The following ZNF45 variants were observed in gnomAD, a reference collection of about 807,000 sequenced individuals.
The protein encoded by ZNF45 is zinc finger protein 45, also known as BRC1744.
In ZNF45, 4 loss-of-function variants were observed where a neutral mutation model predicts 12.0. That is an observed-to-expected ratio of 0.33 (90% CI 0.16 to 0.76). The LOEUF (loss-of-function observed/expected upper bound fraction) is 0.76, where lower values mean the gene tolerates loss of function less well. Among genes scored for constraint, ZNF45 ranks in the 30% least tolerant of loss-of-function variants. ZNF45 has a pLI of 0.60. For synonymous variants in ZNF45, 272 were observed against 279.6 expected (o/e 0.97, Z 0.27); for missense variants, 700 against 813.0 (o/e 0.86, Z 1.69).
In ZNF45 at chr19:43,918,919, T is replaced by C. The variant is rs1377920317; in HGVS notation, c.186A>G (p.Glu62=). 6.2e-7 allele frequency: 1 copy of C among 1,614,150 alleles called. No homozygotes were observed. The change falls in exon 9 of 10, where the codon GAA becomes GAG. Residue 62 remains glutamate (E), a synonymous_variant. Transcript: ENST00000269973. ...CCATCTTCATCATCCACAGCTTTTC[T>C]TCTCTCTCTAACTGTGGTAGGCCAT... ...TPDGLPQLER[E]EKLWMMKMAT...
intron 7 of ZNF45, among the ~76,000 whole-genome samples, chr19:43,921,392 T>C (rs1399919105): frequency 6.6e-6 from 1 of 152,132 alleles, no homozygotes; most frequent in Non-Finnish European, 1.5e-5. Flanking sequence ...AACATAAGAG[T>C]AAAAGAATAC....
intron 3 of ZNF45, chr19:43,931,487 T>C (rs112568446): frequency 0.1 from 15,428 of 151,748 alleles, 873 homozygotes; most frequent in East Asian, 0.13. Flanking sequence ...TGAGCTGAGA[T>C]CGTACCATTG....
chr19:43,913,468 G>C lies in ZNF45; in HGVS notation c.1968C>G (p.Ile656Met). ...CATCAGCATGGACTCGCTGATGAAT[G>C]ATAAGACTTGAGCTCCAACTGAAGC... ...GKGFSWSSSL[I>M]IHQRVHADDE... is the part of the protein sequence containing the mutation. Residue 656 changes from isoleucine to methionine, a missense_variant, in exon 10 of 10, where the codon ATC becomes ATG. Physicochemically the swap from Ile to Met is conservative, Grantham distance 10. Transcript: ENST00000269973. 1 of 1,611,094 alleles carries C rather than the reference G, an allele frequency of 6.2e-7. No homozygotes were observed. Among genetic ancestry groups the C allele is most frequent in the African/African-American group, 1.3e-5 (1 of 74,988 alleles).
At chr19:43,930,413 A>C (rs971409634) in intron 3 of ZNF45, among the ~76,000 whole-genome samples, 6 of 152,302 alleles carry the variant, frequency 3.9e-5, no homozygotes, top group South Asian at 4.1e-4. Context: ...ATTACTAATA[A>C]AGAACACAGA....
rs563833571 is a variant in ZNF45, at chr19:43,913,039, A to C, written c.*348T>G. The C allele has an allele frequency of 5.2e-6, 1 of 191,618 alleles. No homozygotes were observed. Among genetic ancestry groups the C allele is most frequent in the South Asian group, 1.8e-4 (1 of 5,570 alleles). 11.9% of individuals were successfully genotyped at this position (191,618 alleles called of 1,614,324 possible). A position where few individuals can be genotyped will look rare whatever the true frequency, so the allele number is the denominator to read the frequency against. On this transcript the variant is annotated 3_prime_UTR_variant, in exon 10 of 10. Coordinates refer to ENST00000269973, the MANE Select transcript of ZNF45 (RefSeq NM_003425.4). ...ACAGTAATTTCAAATACTACTGAAA[A>C]ATTACAACGTATTAGGCACTGAAAA...
chr19:43,922,311 G>GT lies in ZNF45; in HGVS notation c.-32-95dup, dbSNP rs201533198. 5,511 of 884,150 alleles carry GT rather than the reference G, an allele frequency of 6.2e-3. 189 individuals carry two copies. In the African/African-American group the frequency reaches 0.082, roughly 13 times the overall value. 54.8% of individuals were successfully genotyped at this position (884,150 alleles called of 1,614,324 possible). A position where few individuals can be genotyped will look rare whatever the true frequency, so the allele number is the denominator to read the frequency against. On this transcript the variant is annotated intron_variant, in intron 6 of 9. Coordinates refer to ENST00000269973, the MANE Select transcript of ZNF45 (RefSeq NM_003425.4). ...CATAGCTGTTTTTTTGTTTTGTTTTGTTTTTTTTAACGTGAAATAGCAACA... is the reference window on the plus strand; with the variant it reads ...CATAGCTGTTTTTTTGTTTTGTTTTGTTTTTTTTTAACGTGAAATAGCAACA...
intron 3 of ZNF45, among the ~76,000 whole-genome samples, chr19:43,925,979 A>G (rs1379408035): frequency 6.6e-6 from 1 of 152,138 alleles, no homozygotes; most frequent in African/African-American, 2.4e-5. Flanking sequence ...CTAACTCTAT[A>G]TTTGCCCAGC....
chr19:43,913,365 A>G lies in ZNF45; in HGVS notation c.*22T>C, dbSNP rs999351859. The G allele has an allele frequency of 1.3e-6, 2 of 1,524,740 alleles. No homozygotes were observed. The highest frequency in any genetic ancestry group is 2.2e-5 in the Admixed American group (1 of 45,254). The allele number at this position is 1,524,740 out of a possible 1,614,324, so 94.5% of individuals were successfully genotyped here. ...TGATTATTAAAATATTTCAGCACCC[A>G]TCTGAGATAGTAAAACATATTTTAT... On this transcript the variant is annotated 3_prime_UTR_variant, in exon 10 of 10. Transcript: ENST00000269973.
intron 2 of ZNF45, 53 bp downstream of exon 2, chr19:43,934,373 T>A (rs922895346): frequency 1.3e-5 from 2 of 152,164 alleles, no homozygotes; most frequent in Non-Finnish European, 2.9e-5. Context: ...TTTCTCCAAT[T>A]ATACAATAAC....
At chr19:43,918,176 T>C (rs1022426914) in intron 9 of ZNF45, among the ~76,000 whole-genome samples, 8 of 152,224 alleles carry the variant, frequency 5.3e-5, no homozygotes, top group Non-Finnish European at 1.0e-4. Flanking sequence ...TTTTTCCTTG[T>C]GTAAAGTGTT....
intron 9 of ZNF45, 112 bp downstream of exon 9, chr19:43,918,758 G>T: frequency 2.6e-6 from 2 of 781,344 alleles, no homozygotes; most frequent in Non-Finnish European, 4.3e-6. Flanking sequence ...ATATTCATCA[G>T]GGGGAAAAAA....
chr19:43,924,058 A>T (rs1973467699), intron 6 of ZNF45, among the ~76,000 whole-genome samples, 180 bp downstream of exon 6: 1 of 152,172 alleles, frequency 6.6e-6, no homozygotes, highest in Non-Finnish European at 1.5e-5. Context: ...GAGAAAATTT[A>T]ATAAAAAATC....
chr19:43,927,609 A>C lies in ZNF45; in HGVS notation c.-399-2151T>G, dbSNP rs1171188814. ...GCAGGGTAAAGAAATAAAGAGATGA[A>C]AGGAGGGGCTGTCACAGAATAAGTT... On this transcript the variant is annotated intron_variant, in intron 3 of 9. Coordinates refer to ENST00000269973, the MANE Select transcript of ZNF45 (RefSeq NM_003425.4). Among the ~76,000 whole-genome samples, 5 of 152,224 alleles carry C rather than the reference A, an allele frequency of 3.3e-5. No individual in the cohort carries two copies. In the South Asian group the frequency reaches 6.2e-4, roughly 19 times the overall value.
intron 3 of ZNF45, among the ~76,000 whole-genome samples, chr19:43,929,489 T>C (rs1599789794): frequency 1.3e-5 from 2 of 152,124 alleles, no homozygotes; most frequent in Admixed American, 6.5e-5. Flanking sequence ...GAGAAAGACA[T>C]ATTACAAAAG....
chr19:43,927,027 C>T (rs968531074), intron 3 of ZNF45, among the ~76,000 whole-genome samples: 13 of 152,074 alleles, frequency 8.5e-5, no homozygotes, highest in African/African-American at 3.1e-4. Context: ...AGGCTAGGGC[C>T]AGAGAGACTA....
chr19:43,928,081 T>C (rs1973833195), intron 3 of ZNF45, among the ~76,000 whole-genome samples: 1 of 148,122 alleles, frequency 6.8e-6, no homozygotes, highest in Admixed American at 7.0e-5. Context: ...CTCAGGAGGA[T>C]GAGGCAGGAG....
chr19:43,934,855 G>A (rs1256482223), intron 1 of ZNF45, 69 bp downstream of exon 1: 1 of 152,112 alleles, frequency 6.6e-6, no homozygotes, highest in Non-Finnish European at 1.5e-5. Flanking sequence ...AATATATAAG[G>A]TTAATATTTC....
chr19:43,929,438 A>G (rs1316414850), intron 3 of ZNF45, among the ~76,000 whole-genome samples: 4 of 152,212 alleles, frequency 2.6e-5, no homozygotes, highest in Non-Finnish European at 5.9e-5. Context: ...CTAACAACCA[A>G]AATTATGTGC....
At position 43,914,159 on chromosome 19, in the gene ZNF45, C is replaced by G. The variant is rs998231744; in HGVS notation, c.1277G>C (p.Ser426Thr). The G allele has an allele frequency of 6.2e-7, 1 of 1,608,660 alleles. No homozygotes were observed. The highest frequency in any genetic ancestry group is 8.5e-7 in the Non-Finnish European group (1 of 1,175,954). Residue 426 changes from serine (S) to threonine (T), a missense_variant, in exon 10 of 10, where the codon AGT becomes ACT. Ser to Thr is a moderately conservative substitution (Grantham distance 58). Transcript: ENST00000269973. The stretch of plus-strand genomic sequence containing the variant: ...ATGAATGTTAAAATCTGAGCTACGA[C>G]TGAAGCCCTTACCACATGCATCACA... The part of the protein sequence containing the change: ...YQCDACGKGF[S>T]RSSDFNIHFR...
Sources: gnomAD v4.1 joint callset for allele counts (sites outside exome capture counted in the v4.1 genomes callset) on GRCh38, gnomAD v4.1.1 for gene constraint, MANE v1.5 for transcripts, NCBI Gene and HGNC (gene_info 2026-07-23, HGNC 2026-07-21) for gene names.